The following DPP6 variants were observed in gnomAD, a reference collection of about 807,000 sequenced individuals.
DPP6 encodes the protein A-type potassium channel modulatory protein DPP6.
DPP6 carries 69 observed loss-of-function variants against 122.6 expected under a neutral mutation model. The ratio of observed to expected loss-of-function variants is 0.56; its 90% CI spans 0.46 to 0.69. The LOEUF (loss-of-function observed/expected upper bound fraction) is 0.69, where lower values mean the gene tolerates loss of function less well. DPP6 is among the 30% of genes least tolerant of loss of function. The pLI, the probability that DPP6 is intolerant of heterozygous loss-of-function variation, is 0.00. For missense variants in DPP6, 928 were observed against 1,116.9 expected (o/e 0.83, Z 2.41); for synonymous variants, 418 against 433.1 (o/e 0.97, Z 0.43).
At chr7:154,712,145 C>T (rs1841227968) in intron 7 of DPP6, among the ~76,000 whole-genome samples, 1 of 152,100 alleles carries the variant, frequency 6.6e-6, no homozygotes, top group African/African-American at 2.4e-5. Context: ...GGATAGTTTT[C>T]CTGTATACAA....
the DPP6 span, among the ~76,000 whole-genome samples, chr7:153,809,448 T>C: frequency 6.6e-6 from 1 of 152,158 alleles, no homozygotes; most frequent in South Asian, 2.1e-4. Context: ...GATGACTGAA[T>C]GGATAGACAA....
intron 7 of DPP6, among the ~76,000 whole-genome samples, chr7:154,675,356 TAAAG>T (rs1258771716): frequency 6.6e-6 from 1 of 151,720 alleles, no homozygotes; most frequent in African/African-American, 2.4e-5. Context: ...TAAAGTATAA[TAAAG>T]AAAAAAAGAA....
At chr7:154,769,166 C>T (rs1027626654) in intron 8 of DPP6, among the ~76,000 whole-genome samples, 1 of 152,166 alleles carries the variant, frequency 6.6e-6, no homozygotes, top group Non-Finnish European at 1.5e-5. Context: ...AGACGATTAG[C>T]ATCTGTTTGA....
Position 154,768,812 on chromosome 7 carries a change from T to C in DPP6, c.884-605T>C, listed in dbSNP as rs115945069. Reference sequence around the variant, plus strand: ...ATCCATTTTGGTTTTCTGCCATGCATAGTGAGCTTGTACCCTTCTTGTAAG... The same window carrying C: ...ATCCATTTTGGTTTTCTGCCATGCACAGTGAGCTTGTACCCTTCTTGTAAG... On this transcript the variant is annotated intron_variant, in intron 8 of 25. Transcript: ENST00000377770. Among the ~76,000 whole-genome samples the C allele has an allele frequency of 3.7e-3, 565 of 152,332 alleles. 3 individuals carry two copies. Among genetic ancestry groups the C allele is most frequent in the African/African-American group, 0.012 (484 of 41,576 alleles).
chr7:154,596,236 T>C (rs1186394750), intron 5 of DPP6, among the ~76,000 whole-genome samples: 2 of 152,218 alleles, frequency 1.3e-5, no homozygotes, highest in Non-Finnish European at 2.9e-5. Context: ...TGACCCAAAT[T>C]ACAAAAACTA....
chr7:154,078,136 T>C (rs920377588), intron 1 of DPP6, among the ~76,000 whole-genome samples: 1 of 152,146 alleles, frequency 6.6e-6, no homozygotes, highest in Non-Finnish European at 1.5e-5. Flanking sequence ...GTATTTTATA[T>C]ATCATCTCTT....
At chr7:153,961,338 AT>A (rs1323468598) in intron 1 of DPP6, among the ~76,000 whole-genome samples, 1 of 67,638 alleles carries the variant, frequency 1.5e-5, no homozygotes, top group African/African-American at 9.8e-5. Flanking sequence ...CTTTTTCCTC[AT>A]TTTTTTATTT....
Position 153,947,858 on chromosome 7 carries a change from G to A in DPP6, c.51+60124G>A, listed in dbSNP as rs531682519. ...TCCTAGGACCTCCTTCTGGGGAGGC[G>A]GGGAAGTCGGATGGTCCTTCCTGCG... On this transcript the variant is annotated intron_variant, in intron 1 of 25. Transcript: ENST00000404039. Among the ~76,000 whole-genome samples, 102 of 152,270 alleles carry A rather than the reference G, an allele frequency of 6.7e-4. 2 individuals are homozygous for A. In the Middle Eastern group the frequency reaches 0.01, roughly 15 times the overall value.
chr7:154,715,150 T>A (rs73495884), intron 7 of DPP6, among the ~76,000 whole-genome samples: 15,702 of 152,264 alleles, frequency 0.1, 2,037 homozygotes, highest in African/African-American at 0.29. Context: ...CACTGCAACC[T>A]CTGCCTCCCA....
At chr7:154,214,699 T>C (rs1799906607) in intron 1 of DPP6, among the ~76,000 whole-genome samples, 1 of 152,200 alleles carries the variant, frequency 6.6e-6, no homozygotes, top group Non-Finnish European at 1.5e-5. Flanking sequence ...GGTGGATTGC[T>C]TGAGCCTAAG....
chr7:154,284,460 TG>T (rs1237018256), intron 1 of DPP6, among the ~76,000 whole-genome samples: 8 of 152,234 alleles, frequency 5.3e-5, no homozygotes, highest in African/African-American at 1.9e-4. Flanking sequence ...AACTGATGGA[TG>T]GATCAATAAA....
At chr7:153,839,638 A>AT in the DPP6 span, among the ~76,000 whole-genome samples, 1 of 152,310 alleles carries the variant, frequency 6.6e-6, no homozygotes, top group East Asian at 1.9e-4. Context: ...TGGGGTAGAA[A>AT]AACACACGTT....
intron 5 of DPP6, among the ~76,000 whole-genome samples, chr7:154,636,287 C>T (rs1189921358): frequency 6.6e-6 from 1 of 152,204 alleles, no homozygotes; most frequent in Non-Finnish European, 1.5e-5. Context: ...TTCCAGCTCA[C>T]ACAGGCATGG....
intron 10 of DPP6, among the ~76,000 whole-genome samples, chr7:154,776,551 C>T (rs944335724): frequency 5.3e-5 from 8 of 152,134 alleles, no homozygotes; most frequent in African/African-American, 1.9e-4. Flanking sequence ...CCACCTAGAA[C>T]AGGAAGTTGT....
At chr7:154,362,370 C>T (rs901726519) in intron 1 of DPP6, among the ~76,000 whole-genome samples, 2 of 152,078 alleles carry the variant, frequency 1.3e-5, no homozygotes, top group East Asian at 1.9e-4. Context: ...ATTTGTCATT[C>T]GGTACAACAA....
chr7:154,071,171 A>AT (rs1261916596), intron 1 of DPP6, among the ~76,000 whole-genome samples: 1 of 152,092 alleles, frequency 6.6e-6, no homozygotes, highest in African/African-American at 2.4e-5. Context: ...TACTGGTTGT[A>AT]TTTTTTTGAC....
intron 4 of DPP6, among the ~76,000 whole-genome samples, chr7:154,559,925 T>TAGATATATATATATAA (rs1554585981): frequency 0.016 from 2,257 of 144,000 alleles, 31 homozygotes; most frequent in South Asian, 0.035. Flanking sequence ...ATAATATATA[T>TAGATATATATATATAA]AGATATATAT....
At chr7:153,905,112 A>G (rs1036504985) in intron 1 of DPP6, among the ~76,000 whole-genome samples, 4 of 152,196 alleles carry the variant, frequency 2.6e-5, no homozygotes, top group African/African-American at 9.6e-5. Flanking sequence ...ATGGGGCAGC[A>G]CCCTCTCTGT....
chr7:154,033,305 G>C (rs1448997060), intron 1 of DPP6, among the ~76,000 whole-genome samples: 1 of 152,180 alleles, frequency 6.6e-6, no homozygotes, highest in Non-Finnish European at 1.5e-5. Context: ...ACACATATCT[G>C]TGGTTAAGAC....
Sources: gnomAD v4.1 joint callset for allele counts (sites outside exome capture counted in the v4.1 genomes callset) on GRCh38, gnomAD v4.1.1 for gene constraint, MANE v1.5 for transcripts, NCBI Gene and HGNC (gene_info 2026-07-23, HGNC 2026-07-21) for gene names.